The following KDM7A variants were observed in gnomAD, a reference collection of about 807,000 sequenced individuals.
KDM7A encodes the protein lysine-specific demethylase 7A.
KDM7A carries 28 observed loss-of-function variants against 114.8 expected under a neutral mutation model. The observed-to-expected ratio is 0.24, with a 90% confidence interval of 0.18 to 0.33. KDM7A has a LOEUF of 0.33. Ranked by LOEUF, KDM7A falls within the 10% of genes least tolerant of loss-of-function variation. The probability of loss-of-function intolerance (pLI) is 1.00; values close to 1 mark genes in which losing one functional copy is unlikely to be tolerated. For synonymous variants in KDM7A, 423 were observed against 397.8 expected (o/e 1.06, Z -0.75); for missense variants, 942 against 1,142.5 (o/e 0.82, Z 2.53).
intron 11 of KDM7A, among the ~76,000 whole-genome samples, chr7:140,103,931 T>G (rs59896430): frequency 2.6e-3 from 400 of 152,298 alleles, no homozygotes; most frequent in African/African-American, 7.7e-3. Context: ...ACAACAACAG[T>G]GTAAAAGTGT....
intron 1 of KDM7A, among the ~76,000 whole-genome samples, chr7:140,175,597 T>G (rs1259361832): frequency 6.6e-6 from 1 of 152,202 alleles, no homozygotes; most frequent in Non-Finnish European, 1.5e-5. Flanking sequence ...TTTAAATGCC[T>G]GTGAATCCCT....
chr7:140,100,021 G>A lies in KDM7A; in HGVS notation c.1641C>T (p.Asp547=). 1 of 1,614,102 alleles carries A rather than the reference G, an allele frequency of 6.2e-7. No homozygotes were observed. ...TTCCATTCAGTTTAGAGCTCAAGAT[G>A]TCCTGAAGGTATAAATGCAGAACTT... ...KRLEMCPWEE[D]ILSSKLNGKF... is the part of the protein sequence containing the mutation. Residue 547 remains aspartate, a splice_region_variant and synonymous_variant, in exon 13 of 20, where the codon GAC becomes GAT. Coordinates refer to ENST00000397560, the MANE Select transcript of KDM7A (RefSeq NM_030647.2).
Position 140,157,974 on chromosome 7 carries a change from AT to A in KDM7A, c.194+18769del, listed in dbSNP as rs1218597196. 2.7e-5 allele frequency among the ~76,000 whole-genome samples: 3 copies of A among 111,144 alleles called. No individual in the cohort carries two copies. The East Asian group carries it at 6.5e-4, about 24-fold the overall frequency. 72.9% of individuals were successfully genotyped at this position (111,144 alleles called of 152,430 possible). On this transcript the variant is annotated intron_variant, in intron 1 of 19. Coordinates refer to ENST00000397560, the MANE Select transcript of KDM7A (RefSeq NM_030647.2). The stretch of plus-strand genomic sequence containing the variant: ...ACAGAGCAAGACTCCGTCTCAAAAA[AT>A]AAATAAATAAATAAATAAATAATAA...
At chr7:140,163,063 C>T (rs1015638312) in intron 1 of KDM7A, among the ~76,000 whole-genome samples, 4 of 150,204 alleles carry the variant, frequency 2.7e-5, no homozygotes, top group African/African-American at 9.9e-5. Context: ...GGCACTATCT[C>T]GGCTCACTGC....
At chr7:140,114,764 G>A (rs1818491569) in intron 9 of KDM7A, among the ~76,000 whole-genome samples, 1 of 150,604 alleles carries the variant, frequency 6.6e-6, no homozygotes, top group Non-Finnish European at 1.5e-5. Context: ...GATGTGGGGA[G>A]CGCCTCTGCC....
chr7:140,176,927 G>A lies in KDM7A; in HGVS notation c.11C>T (p.Ala4Val), dbSNP rs762710323. The A allele has an allele frequency of 4.3e-6, 5 of 1,159,930 alleles. No homozygotes were observed. The highest frequency in any genetic ancestry group is 3.2e-6 in the Non-Finnish European group (3 of 936,696). 71.9% of individuals were successfully genotyped at this position (1,159,930 alleles called of 1,614,324 possible). ...TGCTCCCGCGGCCACCGCCGCCGCCGCTCCGGCCATCTTTAAAAAACACAC... is the reference window on the plus strand; with the variant it reads ...TGCTCCCGCGGCCACCGCCGCCGCCACTCCGGCCATCTTTAAAAAACACAC... MAG[A>V]AAAVAAGAAA... Residue 4 changes from alanine (A) to valine (V), a missense_variant, in exon 1 of 20, where the codon GCG becomes GTG. This residue lies in a region of KDM7A where 112 missense variants were observed against 96.2 expected (regional missense o/e 1.16). Coordinates refer to ENST00000397560, the MANE Select transcript of KDM7A (RefSeq NM_030647.2). This position sits in a 1 kb window ranked among gnomAD's most constrained non-coding sequence, Gnocchi z 4.4.
chr7:140,092,043 T>C lies in KDM7A; in HGVS notation c.2492A>G (p.Glu831Gly). 1 of 1,614,196 alleles carries C rather than the reference T, an allele frequency of 6.2e-7. No homozygotes were observed. Among genetic ancestry groups the C allele is most frequent in the Non-Finnish European group, 8.5e-7 (1 of 1,180,026 alleles). ...CCTCTGACTAATTTCTGATGAACCT[T>C]CCTTTCTGATGCATTTCTGGCTTCT... Reference protein sequence around the residue: ...LSRSQKCIRKEGSSEISQRVQ... With the variant: ...LSRSQKCIRKGGSSEISQRVQ... Residue 831 changes from glutamate (E) to glycine (G), a missense_variant, in exon 19 of 20, where the codon GAA becomes GGA. This residue lies in a region of KDM7A where 512 missense variants were observed against 576.6 expected (regional missense o/e 0.89). Transcript: ENST00000397560.
intron 1 of KDM7A, among the ~76,000 whole-genome samples, chr7:140,139,444 A>G (rs1489182282): frequency 6.6e-6 from 1 of 152,226 alleles, no homozygotes; most frequent in Non-Finnish European, 1.5e-5. Context: ...TACTGCAATT[A>G]TAAGCCATAA....
chr7:140,175,074 A>C (rs1794686930), intron 1 of KDM7A, among the ~76,000 whole-genome samples: 1 of 152,230 alleles, frequency 6.6e-6, no homozygotes, highest in Non-Finnish European at 1.5e-5. Context: ...TATGTTATGG[A>C]AACAGGATGT....
At chr7:140,150,484 T>TAA (rs1794387063) in intron 1 of KDM7A, among the ~76,000 whole-genome samples, 1 of 152,156 alleles carries the variant, frequency 6.6e-6, no homozygotes, top group African/African-American at 2.4e-5. Context: ...TGCAGCTCTG[T>TAA]AAGTAGGAAT....
intron 1 of KDM7A, among the ~76,000 whole-genome samples, chr7:140,158,603 T>C (rs1794484461): frequency 6.6e-6 from 1 of 152,160 alleles, no homozygotes; most frequent in Admixed American, 6.5e-5. Context: ...AAGTTGGCAA[T>C]TTATATTCAA....
rs888682416 is a variant in KDM7A, at chr7:140,153,984, A to G, written c.195-14794T>C. 2.6e-5 allele frequency among the ~76,000 whole-genome samples: 4 copies of G among 152,232 alleles called. 1 individual carries two copies. The highest frequency in any genetic ancestry group is 6.5e-5 in the Admixed American group (1 of 15,282). On this transcript the variant is annotated intron_variant, in intron 1 of 19. Coordinates refer to ENST00000397560, the MANE Select transcript of KDM7A (RefSeq NM_030647.2). Reference sequence around the variant, plus strand: ...CCTGTCTGCGTGTAAACTGAAGAACAGACGCGTGCCTGTTATTTTTGCAGT... The same window carrying G: ...CCTGTCTGCGTGTAAACTGAAGAACGGACGCGTGCCTGTTATTTTTGCAGT...
chr7:140,094,783 C>CA (rs1452737954), intron 17 of KDM7A: 2 of 152,278 alleles, frequency 1.3e-5, no homozygotes, highest in African/African-American at 4.8e-5. Context: ...ACACCATACT[C>CA]AGACCAGCCT....
rs557751969 is a variant in KDM7A at position 140,123,523 on chromosome 7, T to C, written c.1051+1098A>G. 2.6e-5 allele frequency among the ~76,000 whole-genome samples: 4 copies of C among 152,270 alleles called. No homozygotes were observed. The South Asian group carries it at 8.3e-4, about 32-fold the overall frequency. On this transcript the variant is annotated intron_variant, in intron 7 of 19. Transcript: ENST00000397560. ...TGCTTGGAACCAGAAGTACTCAGAT[T>C]TCACATTTTTTTTGGATCTTGGAAT...
chr7:140,129,396 A>C, intron 4 of KDM7A, 97 bp downstream of exon 4: 1 of 1,060,742 alleles, frequency 9.4e-7, no homozygotes, highest in Non-Finnish European at 1.4e-6. Flanking sequence ...GCAGAAAACT[A>C]AATTGACATT....
At chr7:140,104,954 CT>C (rs1209696930) in intron 11 of KDM7A, among the ~76,000 whole-genome samples, 1 of 152,082 alleles carries the variant, frequency 6.6e-6, no homozygotes, top group Non-Finnish European at 1.5e-5. Flanking sequence ...TTTGTGTCTT[CT>C]TTTATTTTGT....
intron 8 of KDM7A, among the ~76,000 whole-genome samples, chr7:140,119,561 C>A (rs539938166): frequency 6.6e-6 from 1 of 152,282 alleles, no homozygotes; most frequent in African/African-American, 2.4e-5. Flanking sequence ...ATGTGTTAGA[C>A]AACAGTGCAA....
At chr7:140,125,881 A>G (rs1436949612) in intron 6 of KDM7A, among the ~76,000 whole-genome samples, 3 of 151,616 alleles carry the variant, frequency 2.0e-5, no homozygotes, top group African/African-American at 7.3e-5. Context: ...GACTACAAGC[A>G]TGAGCCACCA....
At chr7:140,145,122 TA>T (rs1265869324) in intron 1 of KDM7A, among the ~76,000 whole-genome samples, 1 of 152,206 alleles carries the variant, frequency 6.6e-6, no homozygotes, top group Non-Finnish European at 1.5e-5. Flanking sequence ...TTAAACAGCC[TA>T]ATACAAAACC....
Sources: allele counts gnomAD v4.1 joint callset (sites outside exome capture counted in the v4.1 genomes callset), GRCh38; gene constraint gnomAD v4.1.1; regional missense constraint gnomAD v4.1.1; non-coding constraint Gnocchi (gnomAD v3.1); transcripts MANE v1.5; gene names NCBI Gene and HGNC (gene_info 2026-07-23, HGNC 2026-07-21).